The following TENM1 variants were observed in gnomAD, a reference collection of about 807,000 sequenced individuals.
The protein encoded by TENM1 is teneurin-1.
In TENM1, 35 loss-of-function variants were observed where a neutral mutation model predicts 174.8. That is an observed-to-expected ratio of 0.20 (90% CI 0.15 to 0.27). The LOEUF (loss-of-function observed/expected upper bound fraction) is 0.27, where lower values mean the gene tolerates loss of function less well. TENM1 is among the 10% of genes least tolerant of loss of function. TENM1 has a pLI of 1.00. For synonymous variants in TENM1, 781 were observed against 798.7 expected, an observed-to-expected ratio of 0.98 and a Z score of 0.37; for missense variants, 1,633 against 2,130.1, an observed-to-expected ratio of 0.77 and a Z score of 4.59.
chrX:124,515,090 GA>G (rs770134242), intron 18 of TENM1, among the ~76,000 whole-genome samples: 61 of 111,211 alleles, frequency 5.5e-4, no homozygotes, highest in African/African-American at 1.9e-3. Context: ...TGGAACTAAA[GA>G]AAAAAACCAC....
chrX:124,665,544 G>A (rs932716768), intron 6 of TENM1, among the ~76,000 whole-genome samples: 2 of 112,555 alleles, frequency 1.8e-5, no homozygotes, highest in Non-Finnish European at 3.8e-5. Flanking sequence ...AATGGCAAAT[G>A]TGGTTTTACA....
intron 4 of TENM1, among the ~76,000 whole-genome samples, chrX:124,716,436 G>A (rs2053184082): frequency 8.9e-6 from 1 of 111,982 alleles, no homozygotes; most frequent in Non-Finnish European, 1.9e-5. Context: ...TTCCACCCAT[G>A]ATCCCCAATC....
the TENM1 span, among the ~76,000 whole-genome samples, chrX:125,151,272 T>A: frequency 8.9e-6 from 1 of 112,472 alleles, no homozygotes; most frequent in Admixed American, 9.4e-5. Context: ...CTTTAATGTT[T>A]CCAAGAAAGT....
chrX:124,878,224 A>G (rs1339196170), intron 3 of TENM1, among the ~76,000 whole-genome samples: 1 of 111,319 alleles, frequency 9.0e-6, no homozygotes, highest in African/African-American at 3.3e-5. Context: ...TTTTATTTCA[A>G]TCTAGTTGGG....
intron 11 of TENM1, among the ~76,000 whole-genome samples, chrX:124,612,695 G>C (rs2050306019): frequency 9.0e-6 from 1 of 111,130 alleles, no homozygotes; most frequent in African/African-American, 3.3e-5. Flanking sequence ...GGTAGGCAGA[G>C]GGGAGAGGAG....
At chrX:125,169,289 T>C in the TENM1 span, among the ~76,000 whole-genome samples, 1 of 111,436 alleles carries the variant, frequency 9.0e-6, no homozygotes, top group East Asian at 2.8e-4. Flanking sequence ...TGAAAAACAG[T>C]GGGAGTTGTA....
chrX:124,564,449 C>T (rs752516987), intron 12 of TENM1, among the ~76,000 whole-genome samples: 4 of 111,697 alleles, frequency 3.6e-5, no homozygotes, highest in Non-Finnish European at 7.5e-5. Flanking sequence ...AGCCTACAAA[C>T]AATAAATTGG....
the TENM1 span, among the ~76,000 whole-genome samples, chrX:125,136,293 C>T: frequency 9.0e-6 from 1 of 111,245 alleles, no homozygotes; most frequent in Non-Finnish European, 1.9e-5. Flanking sequence ...AGAAGAGACA[C>T]TGCCAAGGTG....
the TENM1 span, among the ~76,000 whole-genome samples, chrX:124,971,160 T>G: frequency 1.1e-5 from 1 of 94,218 alleles, no homozygotes; most frequent in African/African-American, 3.8e-5. Context: ...GGGGGAGGGA[T>G]AGCATTAGGA....
the TENM1 span, among the ~76,000 whole-genome samples, chrX:125,146,486 T>G: frequency 1.8e-5 from 2 of 111,817 alleles, no homozygotes; most frequent in Non-Finnish European, 3.8e-5. Flanking sequence ...TTATCTACAT[T>G]TCTAATTAAG....
intron 3 of TENM1, among the ~76,000 whole-genome samples, chrX:124,886,538 T>G (rs1158466462): frequency 2.1e-4 from 19 of 91,215 alleles, no homozygotes; most frequent in African/African-American, 5.4e-4. Context: ...TATATATATA[T>G]ATATATATAT....
chrX:124,488,309 G>C (rs983018196), intron 20 of TENM1, among the ~76,000 whole-genome samples: 6 of 112,377 alleles, frequency 5.3e-5, no homozygotes, highest in Non-Finnish European at 1.1e-4. Flanking sequence ...TGAAAACATA[G>C]AGATAACCAT....
intron 1 of TENM1, among the ~76,000 whole-genome samples, chrX:124,903,123 T>C (rs1462304028): frequency 9.0e-6 from 1 of 111,635 alleles, no homozygotes; most frequent in Non-Finnish European, 1.9e-5. Flanking sequence ...TGGAGCCTAA[T>C]CTCCCCTTGA....
At chrX:124,585,893 G>A (rs141194572) in intron 11 of TENM1, among the ~76,000 whole-genome samples, 30,133 of 108,943 alleles carry the variant, frequency 0.28, 3,410 homozygotes, top group African/African-American at 0.4. Context: ...CTACCATCAG[G>A]GAATACTACA....
chrX:125,173,022 T>C, the TENM1 span, among the ~76,000 whole-genome samples: 1 of 111,786 alleles, frequency 8.9e-6, no homozygotes, highest in Admixed American at 9.6e-5. Context: ...AATTAAATTA[T>C]TTAAGTATCC....
At chrX:124,664,487 T>C (rs1482937489) in intron 6 of TENM1, among the ~76,000 whole-genome samples, 1 of 100,652 alleles carries the variant, frequency 9.9e-6, no homozygotes, top group African/African-American at 3.8e-5. Context: ...ACAATTGGCA[T>C]TGTATAAAAT....
chrX:124,717,365 C>T (rs905929587), intron 4 of TENM1, among the ~76,000 whole-genome samples: 2 of 111,872 alleles, frequency 1.8e-5, no homozygotes, highest in Non-Finnish European at 3.8e-5. Context: ...ATTGGATAAC[C>T]AAACTTAGAG....
chrX:124,492,098 G>A (rs2047080132), intron 20 of TENM1, among the ~76,000 whole-genome samples: 1 of 111,674 alleles, frequency 9.0e-6, no homozygotes, highest in Admixed American at 9.5e-5. Context: ...ACCTGGCAGA[G>A]GATCAAAATC....
At chrX:125,128,546 C>T in the TENM1 span, among the ~76,000 whole-genome samples, 4 of 111,500 alleles carry the variant, frequency 3.6e-5, no homozygotes, top group African/African-American at 1.3e-4. Context: ...TAATGAAAAA[C>T]GGTCACGTGG....
Sources: gnomAD v4.1 joint callset for allele counts (sites outside exome capture counted in the v4.1 genomes callset) on GRCh38, gnomAD v4.1.1 for gene constraint, MANE v1.5 for transcripts, NCBI Gene and HGNC (gene_info 2026-07-23, HGNC 2026-07-21) for gene names.